The following CD28 variants were observed in gnomAD, a reference collection of about 807,000 sequenced individuals.
The protein encoded by CD28 is CD28 molecule.
Under a neutral mutation model 21.4 loss-of-function variants are expected in CD28, and 8 were observed. The observed-to-expected ratio is 0.37, with a 90% CI of 0.22 to 0.68. CD28 has a LOEUF of 0.68. Ranked by LOEUF, CD28 falls within the 30% of genes least tolerant of loss-of-function variation. The pLI, the probability that CD28 is intolerant of heterozygous loss-of-function variation, is 0.55. For synonymous variants in CD28, 106 were observed against 104.0 expected (o/e 1.02, Z -0.12); for missense variants, 239 against 272.2 (o/e 0.88, Z 0.86).
chr2:203,709,659 C>G (rs1485089730), intron 1 of CD28, among the ~76,000 whole-genome samples: 2 of 151,992 alleles, frequency 1.3e-5, no homozygotes, highest in Non-Finnish European at 2.9e-5. Context: ...GGAGTCCAGC[C>G]CAGAACTACA....
At position 203,734,816 on chromosome 2, in the gene CD28, T is replaced by C. The variant is rs1237825471; in HGVS notation, c.567T>C (p.Ser189=). ...GTAAGAGGAGCAGGCTCCTGCACAG[T>C]GACTACATGAACATGACTCCCCGCC... ...VRSKRSRLLH[S]DYMNMTPRRP... Residue 189 remains serine (S), a synonymous_variant, in exon 4 of 4, where the codon AGT becomes AGC. Transcript: ENST00000324106. 4 of 1,614,186 alleles carry C rather than the reference T, an allele frequency of 2.5e-6. No homozygotes were observed. Among genetic ancestry groups the C allele is most frequent in the African/African-American group, 2.7e-5 (2 of 75,064 alleles).
chr2:203,734,034 A>C (rs111331499), intron 3 of CD28, among the ~76,000 whole-genome samples: 73 of 152,374 alleles, frequency 4.8e-4, no homozygotes, highest in African/African-American at 1.4e-3. Flanking sequence ...GAGAATTCTG[A>C]ATCCAGAAAT....
chr2:203,729,800 A>T (rs1320882031), intron 3 of CD28, 28 bp downstream of exon 3: 3 of 1,606,560 alleles, frequency 1.9e-6, no homozygotes, highest in Non-Finnish European at 2.5e-6. Context: ...GCTTTTATGT[A>T]ACTTTTCCAC....
intron 1 of CD28, among the ~76,000 whole-genome samples, chr2:203,711,070 G>A (rs1693298637): frequency 6.6e-6 from 1 of 152,108 alleles, no homozygotes; most frequent in Non-Finnish European, 1.5e-5. Flanking sequence ...CTCTTTTACG[G>A]TGATTTATTT....
chr2:203,712,021 A>G (rs574431752), intron 1 of CD28, among the ~76,000 whole-genome samples: 2 of 152,124 alleles, frequency 1.3e-5, no homozygotes, highest in African/African-American at 4.8e-5. Context: ...GTGAAACCCC[A>G]TCTCTACTAA....
chr2:203,716,699 A>G lies in CD28; in HGVS notation c.53-9934A>G, dbSNP rs190469910. Among the ~76,000 whole-genome samples, 475 of 152,336 alleles carry G rather than the reference A, an allele frequency of 3.1e-3. 1 individual carries two copies. The highest frequency in any genetic ancestry group is 6.0e-3 in the Non-Finnish European group (406 of 68,026). On this transcript the variant is annotated intron_variant, in intron 1 of 3. Coordinates refer to ENST00000324106, the MANE Select transcript of CD28 (RefSeq NM_006139.4). ...CTTTGACTTACTTTCTGACAGTTAC[A>G]TGTAGCACAATAATTTTTTTAAGAG...
intron 1 of CD28, among the ~76,000 whole-genome samples, chr2:203,720,363 C>T (rs988861458): frequency 2.6e-5 from 4 of 152,192 alleles, no homozygotes; most frequent in African/African-American, 7.2e-5. Flanking sequence ...CTTTTGATAA[C>T]GTAAGCAAAG....
intron 2 of CD28, among the ~76,000 whole-genome samples, chr2:203,727,850 T>G (rs1693794130): frequency 1.3e-5 from 2 of 152,154 alleles, no homozygotes; most frequent in Non-Finnish European, 2.9e-5. Flanking sequence ...CGGCTAATTT[T>G]TTGTATTTTT....
chr2:203,732,609 T>A (rs1693923466), intron 3 of CD28, among the ~76,000 whole-genome samples: 1 of 152,162 alleles, frequency 6.6e-6, no homozygotes, highest in Non-Finnish European at 1.5e-5. Flanking sequence ...TGGGTAAGGC[T>A]GGCATGGGGA....
intron 1 of CD28, among the ~76,000 whole-genome samples, chr2:203,711,357 G>A (rs1034384484): frequency 6.6e-6 from 1 of 152,200 alleles, no homozygotes; most frequent in Non-Finnish European, 1.5e-5. Context: ...TTGGAAAAAA[G>A]AGTTTAGACT....
chr2:203,726,293 G>A (rs1340781828), intron 1 of CD28, among the ~76,000 whole-genome samples: 1 of 152,154 alleles, frequency 6.6e-6, no homozygotes, highest in Non-Finnish European at 1.5e-5. Context: ...CACTCAGTCA[G>A]GAAATTGGCC....
intron 1 of CD28, among the ~76,000 whole-genome samples, chr2:203,707,178 C>T (rs905657327): frequency 6.6e-6 from 1 of 151,702 alleles, no homozygotes; most frequent in Non-Finnish European, 1.5e-5. Context: ...TTCTTTCTTT[C>T]TTTCTTTTTT....
intron 1 of CD28, among the ~76,000 whole-genome samples, chr2:203,709,081 C>T (rs1213486562): frequency 6.6e-6 from 1 of 151,588 alleles, no homozygotes; most frequent in Non-Finnish European, 1.5e-5. Flanking sequence ...TAGATTGCAC[C>T]CCTGCACTCC....
chr2:203,710,453 A>T (rs1693282816), intron 1 of CD28, among the ~76,000 whole-genome samples: 1 of 152,200 alleles, frequency 6.6e-6, no homozygotes, highest in Non-Finnish European at 1.5e-5. Context: ...TGTGATTGTA[A>T]CTCCAAAGCT....
chr2:203,710,297 C>T (rs929996798), intron 1 of CD28, among the ~76,000 whole-genome samples: 2 of 152,300 alleles, frequency 1.3e-5, no homozygotes, highest in Admixed American at 6.5e-5. Flanking sequence ...ACTCTACTAC[C>T]GTGCCCTAGT....
intron 2 of CD28, among the ~76,000 whole-genome samples, chr2:203,728,406 A>G (rs748394993): frequency 1.8e-4 from 27 of 152,240 alleles, no homozygotes; most frequent in Middle Eastern, 3.2e-3. Context: ...CTTTGTGGAT[A>G]TATCATAGCT....
chr2:203,722,995 A>T (rs938016427), intron 1 of CD28, among the ~76,000 whole-genome samples: 1 of 152,204 alleles, frequency 6.6e-6, no homozygotes, highest in African/African-American at 2.4e-5. Flanking sequence ...AGAGAAACTT[A>T]AAAAATATGA....
chr2:203,709,459 G>T (rs1351698677), intron 1 of CD28, among the ~76,000 whole-genome samples: 2 of 152,068 alleles, frequency 1.3e-5, no homozygotes, highest in Admixed American at 6.6e-5. Context: ...TTCTATAAAG[G>T]TTAAGTCTAA....
chr2:203,726,674 T>C lies in CD28; in HGVS notation c.94T>C (p.Tyr32His). Residue 32 changes from tyrosine to histidine, a missense_variant, in exon 2 of 4, where the codon TAC becomes CAC. Tyr to His is a moderately conservative substitution (Grantham distance 83). Transcript: ENST00000324106. The stretch of plus-strand genomic sequence containing the variant: ...GAAGCAGTCGCCCATGCTTGTAGCG[T>C]ACGACAATGCGGTCAACCTTAGCTG... ...LVKQSPMLVA[Y>H]DNAVNLSCKY... The C allele has an allele frequency of 1.2e-6, 2 of 1,614,088 alleles. No individual in the cohort carries two copies. The highest frequency in any genetic ancestry group is 1.7e-6 in the Non-Finnish European group (2 of 1,179,968).
Sources: gnomAD v4.1 joint callset for allele counts (sites outside exome capture counted in the v4.1 genomes callset) on GRCh38, gnomAD v4.1.1 for gene constraint, MANE v1.5 for transcripts, NCBI Gene and HGNC (gene_info 2026-07-23, HGNC 2026-07-21) for gene names.